DPY19L3: variants seen among roughly 807,000 people sequenced by gnomAD.
DPY19L3 encodes protein C-mannosyl-transferase DPY19L3.
DPY19L3 carries 51 observed loss-of-function variants against 92.3 expected under a neutral mutation model. The observed-to-expected ratio is 0.55, with a 90% confidence interval of 0.44 to 0.70. The LOEUF is 0.70. Ranked by LOEUF, DPY19L3 falls within the 30% of genes least tolerant of loss-of-function variation. DPY19L3 has a pLI of 0.00. For synonymous variants in DPY19L3, 309 were observed against 315.2 expected (o/e 0.98, Z 0.21); for missense variants, 706 against 855.9 (o/e 0.82, Z 2.18).
At chr19:32,481,321 A>G (rs925654808) in intron 18 of DPY19L3, 1 of 152,266 alleles carries the variant, frequency 6.6e-6, no homozygotes, top group Non-Finnish European at 1.5e-5. Context: ...GAGGAGAATC[A>G]TAGTTCATAA....
intron 3 of DPY19L3, among the ~76,000 whole-genome samples, chr19:32,424,105 C>G (rs918404423): frequency 6.7e-6 from 1 of 149,342 alleles, no homozygotes; most frequent in Non-Finnish European, 1.5e-5. Flanking sequence ...TTGCTTGAGC[C>G]CAGAAGTTCA....
rs561126507 is a variant in DPY19L3, at chr19:32,483,323, C to T, written c.*1083C>T. On this transcript the variant is annotated 3_prime_UTR_variant, in exon 19 of 19. Coordinates refer to ENST00000392250, the MANE Select transcript of DPY19L3 (RefSeq NM_001172774.2). ...TCCTTATTAAAAGGTAACCAAGTGC[C>T]TCTAAGTCATGCTTATTTGTAAACA... 13 of 152,672 alleles carry T rather than the reference C, an allele frequency of 8.5e-5. No individual in the cohort carries two copies. The highest frequency in any genetic ancestry group is 3.1e-4 in the African/African-American group (13 of 41,546). The allele number at this position is 152,672 out of a possible 1,614,324, so 9.5% of individuals were successfully genotyped here.
intron 18 of DPY19L3, 135 bp from the exon 19 acceptor site, chr19:32,481,944 C>T: frequency 1.0e-6 from 1 of 977,078 alleles, no homozygotes; most frequent in Non-Finnish European, 1.5e-6. Context: ...TCTCCAGGTG[C>T]CCATGGACAT....
intron 8 of DPY19L3, among the ~76,000 whole-genome samples, chr19:32,450,192 C>A (rs977681038): frequency 6.6e-6 from 1 of 152,176 alleles, no homozygotes; most frequent in African/African-American, 2.4e-5. Context: ...GCAGATACCA[C>A]TTTACACCCA....
chr19:32,455,086 A>G (rs1969824934), intron 10 of DPY19L3, 46 bp downstream of exon 10: 2 of 1,195,720 alleles, frequency 1.7e-6, no homozygotes, highest in Admixed American at 2.6e-5. Context: ...TAATTAACTT[A>G]TGGCATTGGA....
At chr19:32,411,424 G>A in intron 3 of DPY19L3, 52 bp downstream of exon 3, 1 of 1,600,098 alleles carries the variant, frequency 6.2e-7, no homozygotes, top group South Asian at 1.1e-5. Flanking sequence ...ATCTCCAGTA[G>A]TAAGCCATGT....
intron 6 of DPY19L3, among the ~76,000 whole-genome samples, chr19:32,438,183 T>G (rs1162265953): frequency 6.6e-6 from 1 of 152,192 alleles, no homozygotes; most frequent in Non-Finnish European, 1.5e-5. Flanking sequence ...ATACCAGTAT[T>G]CAATAGGAGT....
At chr19:32,467,516 T>C (rs1270828182) in intron 15 of DPY19L3, 6 of 987,492 alleles carry the variant, frequency 6.1e-6, no homozygotes, top group Non-Finnish European at 7.2e-6. Flanking sequence ...CTAGCAATTT[T>C]CCTGATTCAC....
rs148363125 is a variant in DPY19L3 at position 32,407,264 on chromosome 19, T to TCCCCCCCCCCCCCCCCCCCCCCCC, written c.-37-946_-37-945insCCCCCCCCCCCCCCCCCCCCCCCC. Among the ~76,000 whole-genome samples the TCCCCCCCCCCCCCCCCCCCCCCCC allele has an allele frequency of 1.2e-4, 10 of 81,302 alleles. 3 individuals carry two copies. Among genetic ancestry groups the TCCCCCCCCCCCCCCCCCCCCCCCC allele is most frequent in the East Asian group, 2.6e-4 (1 of 3,864 alleles). The allele number at this position is 81,302 out of a possible 152,430, so 53.3% of individuals were successfully genotyped here. ...TGCTGCTGCCAAACCAGGCTCCTGC[T>TCCCCCCCCCCCCCCCCCCCCCCCC]CCCCCCCACCCATTACTCCCACCGA... On this transcript the variant is annotated intron_variant, in intron 1 of 18. Coordinates refer to ENST00000392250, the MANE Select transcript of DPY19L3 (RefSeq NM_001172774.2).
intron 8 of DPY19L3, among the ~76,000 whole-genome samples, chr19:32,448,037 G>A (rs890905519): frequency 3.9e-5 from 6 of 152,106 alleles, no homozygotes; most frequent in African/African-American, 1.4e-4. Flanking sequence ...TACACGAAAA[G>A]CCCAGACTTC....
chr19:32,418,702 T>C (rs918592678), intron 3 of DPY19L3, among the ~76,000 whole-genome samples: 7 of 152,190 alleles, frequency 4.6e-5, no homozygotes, highest in African/African-American at 1.7e-4. Context: ...CCTTTCCTGT[T>C]TTGGGGTTAT....
At chr19:32,463,643 A>G (rs1970110216) in intron 13 of DPY19L3, among the ~76,000 whole-genome samples, 155 bp downstream of exon 13, 2 of 152,226 alleles carry the variant, frequency 1.3e-5, no homozygotes, top group Non-Finnish European at 2.9e-5. Flanking sequence ...AAAATACTCA[A>G]CATCAGTTTT....
intron 8 of DPY19L3, 105 bp downstream of exon 8, chr19:32,440,015 G>T: frequency 6.9e-7 from 1 of 1,445,996 alleles, no homozygotes. Flanking sequence ...AATTGAAGCT[G>T]TTTCTTAGAT....
At chr19:32,435,108 T>C (rs1969095282) in intron 4 of DPY19L3, among the ~76,000 whole-genome samples, 1 of 152,204 alleles carries the variant, frequency 6.6e-6, no homozygotes, top group East Asian at 1.9e-4. Context: ...CCTGGCTTTG[T>C]AGATGCCCTT....
At chr19:32,437,975 A>G (rs1969199678) in intron 6 of DPY19L3, among the ~76,000 whole-genome samples, 1 of 152,106 alleles carries the variant, frequency 6.6e-6, no homozygotes. Flanking sequence ...TGCCTTGCCT[A>G]AAAAGTTTTA....
intron 3 of DPY19L3, among the ~76,000 whole-genome samples, chr19:32,422,447 A>C (rs577355967): frequency 2.0e-5 from 3 of 152,234 alleles, no homozygotes; most frequent in Admixed American, 1.3e-4. Context: ...CATACAGGAG[A>C]CTGGAATCCG....
intron 3 of DPY19L3, among the ~76,000 whole-genome samples, chr19:32,421,921 C>T (rs1599598845): frequency 1.3e-5 from 2 of 152,164 alleles, no homozygotes; most frequent in South Asian, 2.1e-4. Context: ...ACCTGCATTT[C>T]GAAGATCCCC....
intron 17 of DPY19L3, among the ~76,000 whole-genome samples, chr19:32,479,826 T>C (rs1454991454): frequency 6.6e-6 from 1 of 152,172 alleles, no homozygotes; most frequent in African/African-American, 2.4e-5. Flanking sequence ...ACCCCTAGGA[T>C]GGACGAGAGG....
In DPY19L3 at chr19:32,482,406, C is replaced by T; in HGVS notation, c.*166C>T. The T allele has an allele frequency of 1.4e-6, 1 of 721,564 alleles. No homozygotes were observed. The highest frequency in any genetic ancestry group is 2.0e-5 in the South Asian group (1 of 48,816). 44.7% of individuals were successfully genotyped at this position (721,564 alleles called of 1,614,324 possible). A position where few individuals can be genotyped will look rare whatever the true frequency, so the allele number is the denominator to read the frequency against. On this transcript the variant is annotated 3_prime_UTR_variant, in exon 19 of 19. Coordinates refer to ENST00000392250, the MANE Select transcript of DPY19L3 (RefSeq NM_001172774.2). Reference sequence around the variant, plus strand: ...GTGTTGCCATCTTTGAAAGCATCTTCTACAAGCAGAAGTCTTTTTCGTTGT... The same window carrying T: ...GTGTTGCCATCTTTGAAAGCATCTTTTACAAGCAGAAGTCTTTTTCGTTGT...
Sources: allele counts gnomAD v4.1 joint callset (sites outside exome capture counted in the v4.1 genomes callset), GRCh38; gene constraint gnomAD v4.1.1; transcripts MANE v1.5; gene names NCBI Gene and HGNC (gene_info 2026-07-23, HGNC 2026-07-21).